Variants in TRIM2 observed in about 807,000 individuals in gnomAD.
TRIM2 encodes the protein tripartite motif-containing protein 2.
Under a neutral mutation model 75.2 loss-of-function variants are expected in TRIM2, and 20 were observed. The observed-to-expected ratio is 0.27, with a 90% CI of 0.19 to 0.39. The LOEUF is 0.39. Ranked by LOEUF, TRIM2 falls within the 10% of genes least tolerant of loss-of-function variation. TRIM2 has a pLI of 1.00. For missense variants in TRIM2, 660 were observed against 990.8 expected (o/e 0.67, Z 4.48); for synonymous variants, 373 against 388.3 (o/e 0.96, Z 0.46).
intron 1 of TRIM2, among the ~76,000 whole-genome samples, chr4:153,238,242 C>T (rs1233669207): frequency 2.0e-5 from 3 of 152,210 alleles, no homozygotes. Flanking sequence ...AGCCAATTAA[C>T]ACATCATTTT....
intron 1 of TRIM2, among the ~76,000 whole-genome samples, chr4:153,197,642 C>T (rs1414623123): frequency 1.1e-4 from 17 of 152,018 alleles, no homozygotes; most frequent in East Asian, 3.9e-4. Flanking sequence ...GAGGCCGAGG[C>T]GGGTGGATTA....
At chr4:153,164,353 C>T (rs1162714145) in intron 1 of TRIM2, among the ~76,000 whole-genome samples, 2 of 152,120 alleles carry the variant, frequency 1.3e-5, no homozygotes, top group Admixed American at 6.6e-5. Flanking sequence ...CTTTTAAAAG[C>T]TTATATCTAA....
At chr4:153,172,040 C>A (rs1730923127) in intron 1 of TRIM2, among the ~76,000 whole-genome samples, 1 of 151,840 alleles carries the variant, frequency 6.6e-6, no homozygotes, top group Non-Finnish European at 1.5e-5. Context: ...TGTCTTTCTG[C>A]AGTTAGTTTG....
At position 153,248,738 on chromosome 4, in the gene TRIM2, T is replaced by A. The variant is rs1033486042; in HGVS notation, c.31-21597T>A. Among the ~76,000 whole-genome samples the A allele has an allele frequency of 2.6e-5, 4 of 152,248 alleles. No individual in the cohort carries two copies. Among genetic ancestry groups the A allele is most frequent in the Non-Finnish European group, 4.4e-5 (3 of 68,048 alleles). Reference sequence around the variant, plus strand: ...GGATGAAAGTGACCCTGAGTTGTAGTGCCAGGCAGGTTGCTTAGGAAAATA... The same window carrying A: ...GGATGAAAGTGACCCTGAGTTGTAGAGCCAGGCAGGTTGCTTAGGAAAATA... On this transcript the variant is annotated intron_variant, in intron 1 of 11. Transcript: ENST00000338700. The surrounding 1 kb of genome is among the most constrained non-coding windows in gnomAD (Gnocchi z 4.0).
chr4:153,336,124 A>G lies in TRIM2; in HGVS notation c.*1158A>G. 1.0e-6 allele frequency: 1 copy of G among 972,438 alleles called. No homozygotes were observed. The highest frequency in any genetic ancestry group is 1.1e-4 in the East Asian group (1 of 8,756). 60.2% of individuals were successfully genotyped at this position (972,438 alleles called of 1,614,324 possible). ...GGGTAAGATAGAATGTATTATATAT[A>G]TATATATATACACACACACATATAT... On this transcript the variant is annotated 3_prime_UTR_variant, in exon 12 of 12. Transcript: ENST00000338700.
chr4:153,328,502 C>T, intron 10 of TRIM2, 28 bp from the exon 11 acceptor site: 1 of 1,572,782 alleles, frequency 6.4e-7, no homozygotes, highest in Non-Finnish European at 8.6e-7. Context: ...TGATGTAAAA[C>T]AAAATAATTT....
intron 3 of TRIM2, among the ~76,000 whole-genome samples, chr4:153,287,816 A>T (rs1760994207): frequency 6.6e-6 from 1 of 152,246 alleles, no homozygotes; most frequent in Non-Finnish European, 1.5e-5. Flanking sequence ...AAACTAAAAT[A>T]CATTAATACT....
intron 1 of TRIM2, among the ~76,000 whole-genome samples, chr4:153,229,251 TTG>T (rs1167820804): frequency 6.6e-6 from 1 of 152,218 alleles, no homozygotes; most frequent in Non-Finnish European, 1.5e-5. Flanking sequence ...CTGAATTTTT[TTG>T]TTTCGTTTTG....
At chr4:153,236,777 G>T (rs528303148) in intron 1 of TRIM2, among the ~76,000 whole-genome samples, 2 of 151,464 alleles carry the variant, frequency 1.3e-5, no homozygotes, top group Non-Finnish European at 2.9e-5. Flanking sequence ...CTGCAGCCTC[G>T]ACCTCCTGGG....
intron 1 of TRIM2, among the ~76,000 whole-genome samples, chr4:153,252,120 C>G (rs1751014187): frequency 6.6e-6 from 1 of 152,226 alleles, no homozygotes; most frequent in African/African-American, 2.4e-5. Flanking sequence ...TCTGCCTCCT[C>G]CAACCCCAAT....
In TRIM2 at chr4:153,244,143, T is replaced by C. The variant is rs527825122; in HGVS notation, c.31-26192T>C. On this transcript the variant is annotated intron_variant, in intron 1 of 11. Transcript: ENST00000338700. ...GCCATCTTCTTCTTCTTCTTCTTCT[T>C]GTTCTTCTTGTTCTTCTTCTTCTTC... Among the ~76,000 whole-genome samples, 46 of 137,640 alleles carry C rather than the reference T, an allele frequency of 3.3e-4. 1 individual carries two copies. The South Asian group carries it at 0.012, about 35-fold the overall frequency. The allele number at this position is 137,640 out of a possible 152,430, so 90.3% of individuals were successfully genotyped here. A position where few individuals can be genotyped will look rare whatever the true frequency, so the allele number is the denominator to read the frequency against.
chr4:153,274,853 T>C (rs914840336), intron 2 of TRIM2, among the ~76,000 whole-genome samples: 13 of 152,246 alleles, frequency 8.5e-5, no homozygotes, highest in Non-Finnish European at 1.9e-4. Flanking sequence ...TCAGACGTCG[T>C]TAATGACCTT....
intron 6 of TRIM2, chr4:153,308,390 C>A (rs1765499653): frequency 2.0e-5 from 18 of 914,474 alleles, no homozygotes; most frequent in African/African-American, 1.3e-4. Flanking sequence ...TGAGGGAGTC[C>A]TTGTTGGTTC....
At chr4:153,194,434 T>G (rs1219384757) in intron 1 of TRIM2, among the ~76,000 whole-genome samples, 1 of 152,126 alleles carries the variant, frequency 6.6e-6, no homozygotes, top group East Asian at 1.9e-4. Context: ...TGCAACAACA[T>G]GGATCAACCT....
chr4:153,299,479 T>G (rs1332313733), intron 6 of TRIM2, among the ~76,000 whole-genome samples: 3 of 152,228 alleles, frequency 2.0e-5, no homozygotes, highest in African/African-American at 7.2e-5. Context: ...AGTGCTGCAG[T>G]GAAACATGAG....
At chr4:153,153,562 T>TAGGCAGCCAGGGC (rs1185098963) in intron 1 of TRIM2, among the ~76,000 whole-genome samples, 3 of 152,218 alleles carry the variant, frequency 2.0e-5, no homozygotes, top group Non-Finnish European at 4.4e-5. Context: ...AACCTTGGCC[T>TAGGCAGCCAGGGC]AGGCAGCCAG....
intron 1 of TRIM2, among the ~76,000 whole-genome samples, chr4:153,260,727 T>TA (rs1560903278): frequency 1.1e-5 from 1 of 93,230 alleles, no homozygotes; most frequent in Admixed American, 1.3e-4. Flanking sequence ...CACACACACA[T>TA]CATCATCATC....
intron 6 of TRIM2, among the ~76,000 whole-genome samples, chr4:153,305,368 G>A (rs1013837150): frequency 2.6e-5 from 4 of 152,160 alleles, no homozygotes; most frequent in African/African-American, 9.7e-5. Context: ...TTTTAGAGAG[G>A]CAAAGTAGGT....
intron 8 of TRIM2, among the ~76,000 whole-genome samples, chr4:153,319,584 T>A (rs1768470648): frequency 6.6e-6 from 1 of 151,782 alleles, no homozygotes; most frequent in Admixed American, 6.6e-5. Context: ...CAAAAAATTA[T>A]CTGGGCATGG....
Sources: allele counts gnomAD v4.1 joint callset (sites outside exome capture counted in the v4.1 genomes callset), GRCh38; gene constraint gnomAD v4.1.1; non-coding constraint Gnocchi (gnomAD v3.1); transcripts MANE v1.5; gene names NCBI Gene and HGNC (gene_info 2026-07-23, HGNC 2026-07-21).